The following CD63 variants were observed in gnomAD, a reference collection of about 807,000 sequenced individuals.
The protein encoded by CD63 is CD63 antigen.
In CD63, 16 loss-of-function variants were observed where a neutral mutation model predicts 29.2. The observed-to-expected ratio is 0.55, with a 90% CI of 0.37 to 0.83. The LOEUF (loss-of-function observed/expected upper bound fraction) is 0.83. Among genes scored for constraint, CD63 ranks in the 40% least tolerant of loss-of-function variants. The pLI, the probability that CD63 is intolerant of heterozygous loss-of-function variation, is 0.00. For missense variants in CD63, 251 were observed against 297.3 expected (o/e 0.84, Z 1.15); for synonymous variants, 118 against 111.7 (o/e 1.06, Z -0.36).
downstream of CD63, chr12:55,724,604 C>T (rs1272508237): frequency 2.0e-6 from 3 of 1,490,082 alleles, no homozygotes; most frequent in Non-Finnish European, 2.8e-6. Flanking sequence ...TTATTTCTGC[C>T]CCCACCCTGG....
At chr12:55,729,174 C>G (rs1592535316), upstream of CD63, 1 of 977,246 alleles carries the variant, frequency 1.0e-6, no homozygotes. Context: ...GCCCCCCGCC[C>G]GGCCAGGGCC....
At chr12:55,724,058 CCAGGCCCACA>C, downstream of CD63, 1 of 1,606,898 alleles carries the variant, frequency 6.2e-7, no homozygotes, top group Non-Finnish European at 8.5e-7. Flanking sequence ...GTGTGAGTAG[CCAGGCCCACA>C]CAGGGGCACA....
chr12:55,728,422 C>T lies in CD63; in HGVS notation c.-11-70G>A. On this transcript the variant is annotated intron_variant, in intron 1 of 7. Coordinates refer to ENST00000257857, the MANE Select transcript of CD63 (RefSeq NM_001780.6). This position sits in a 1 kb window ranked among gnomAD's most constrained non-coding sequence, Gnocchi z 4.8. ...GGACCTCGGTTTCCGGGCTCCCGGCCGGCCCTCGAGGGCTTCCCTTCACGG... is the reference window on the plus strand; with the variant it reads ...GGACCTCGGTTTCCGGGCTCCCGGCTGGCCCTCGAGGGCTTCCCTTCACGG... 1 of 1,548,548 alleles carries T rather than the reference C, an allele frequency of 6.5e-7. No homozygotes were observed. Among genetic ancestry groups the T allele is most frequent in the Non-Finnish European group, 8.7e-7 (1 of 1,147,186 alleles).
intron 2 of CD63, chr12:55,727,734 C>T (rs999858623): frequency 1.4e-5 from 15 of 1,035,706 alleles, no homozygotes; most frequent in African/African-American, 1.7e-5. Context: ...GTTCCTCTGG[C>T]CAGTTAGGCC....
chr12:55,725,342 C>G lies in CD63; in HGVS notation c.*219G>C, dbSNP rs887535515. The G allele has an allele frequency of 1.2e-5, 7 of 583,250 alleles. No individual in the cohort carries two copies. The highest frequency in any genetic ancestry group is 3.7e-5 in the African/African-American group (2 of 53,400). 36.1% of individuals were successfully genotyped at this position (583,250 alleles called of 1,614,324 possible). On this transcript the variant is annotated 3_prime_UTR_variant, in exon 8 of 8. Transcript: ENST00000257857. ...TGCCCAACCAACACCTTCGCAAAGT[C>G]CTCCTTTCCCAAACACCCCCCAAAA... is the stretch of plus-strand genomic sequence containing the variant.
chr12:55,729,009 T>C lies in CD63; in HGVS notation c.-68A>G. 1.0e-6 allele frequency: 1 copy of C among 984,996 alleles called. No homozygotes were observed. Among genetic ancestry groups the C allele is most frequent in the Non-Finnish European group, 1.2e-6 (1 of 829,890 alleles). 61.0% of individuals were successfully genotyped at this position (984,996 alleles called of 1,614,324 possible). On this transcript the variant is annotated 5_prime_UTR_variant, in exon 1 of 8. Transcript: ENST00000257857. ...CTCCCGCCGCGGCTCCGGGGCTCTC[T>C]AGCTGCGCCCCCCGGCTCCCGCCCC...
In CD63 at chr12:55,727,134, T is replaced by C. The variant is rs1396992086; in HGVS notation, c.255+17A>G. 3 of 1,608,004 alleles carry C rather than the reference T, an allele frequency of 1.9e-6. No individual in the cohort carries two copies. The highest frequency in any genetic ancestry group is 2.2e-5 in the East Asian group (1 of 44,798). On this transcript the variant is annotated intron_variant, in intron 3 of 7. Transcript: ENST00000257857. ...GGCAGTCCCAGACCGCCCATGTTGG[T>C]CCCGCCCCCAACTCACCGTGATCAT...
At chr12:55,723,590 A>G (rs1479701051), downstream of CD63, 4 of 400,632 alleles carry the variant, frequency 1.0e-5, no homozygotes, top group Non-Finnish European at 1.9e-5. Flanking sequence ...AAACTGTTAT[A>G]TAAGTACCTG....
downstream of CD63, chr12:55,724,283 A>G (rs769090164): frequency 6.2e-7 from 1 of 1,607,790 alleles, no homozygotes; most frequent in South Asian, 1.1e-5. Context: ...GGCTGGAGTG[A>G]GGAAGGGAAA....
chr12:55,727,813 G>T lies in CD63; in HGVS notation c.66+463C>A, dbSNP rs1877581953. Reference sequence around the variant, plus strand: ...CCCTAGACAAACAGTAGCCTCTCAAGCCAGGAGCCCAGGGCAGGAGCAAAT... The same window carrying T: ...CCCTAGACAAACAGTAGCCTCTCAATCCAGGAGCCCAGGGCAGGAGCAAAT... On this transcript the variant is annotated intron_variant, in intron 2 of 7. Transcript: ENST00000257857. The T allele has an allele frequency of 5.8e-6, 6 of 1,035,792 alleles. No homozygotes were observed. The African/African-American group carries it at 8.5e-5, about 15-fold the overall frequency. 64.2% of individuals were successfully genotyped at this position (1,035,792 alleles called of 1,614,324 possible).
chr12:55,724,324 C>G (rs759201745), downstream of CD63: 6 of 1,614,186 alleles, frequency 3.7e-6, no homozygotes, highest in Admixed American at 3.3e-5. Context: ...GGCTGCAGAC[C>G]TGAAAATGCA....
At chr12:55,724,388 G>A (rs1198594907), downstream of CD63, 1 of 1,614,220 alleles carries the variant, frequency 6.2e-7, no homozygotes, top group Non-Finnish European at 8.5e-7. Context: ...GTGAGCCGAT[G>A]CCTGGAGCAT....
rs1877686851 is a variant in CD63, at chr12:55,728,631, G to A, written c.-11-279C>T. ...GGGCTTGAGCCTGACGCCGACCCTCGGCCCGCCAGTCTCCGGGCGTCAAAC... is the reference window on the plus strand; with the variant it reads ...GGGCTTGAGCCTGACGCCGACCCTCAGCCCGCCAGTCTCCGGGCGTCAAAC... On this transcript the variant is annotated intron_variant, in intron 1 of 7. Transcript: ENST00000257857. The surrounding 1 kb of genome is among the most constrained non-coding windows in gnomAD (Gnocchi z 4.8). 1 of 1,303,796 alleles carries A rather than the reference G, an allele frequency of 7.7e-7. No homozygotes were observed. The highest frequency in any genetic ancestry group is 9.8e-7 in the Non-Finnish European group (1 of 1,023,158). The allele number at this position is 1,303,796 out of a possible 1,614,324, so 80.8% of individuals were successfully genotyped here. A position where few individuals can be genotyped will look rare whatever the true frequency, so the allele number is the denominator to read the frequency against.
downstream of CD63, chr12:55,724,043 A>G: frequency 6.2e-7 from 1 of 1,609,538 alleles, no homozygotes; most frequent in East Asian, 2.2e-5. Context: ...GGCCTTCCTC[A>G]CCAAGTGTGA....
chr12:55,728,620 C>T lies in CD63; in HGVS notation c.-11-268G>A, dbSNP rs1230703069. On this transcript the variant is annotated intron_variant, in intron 1 of 7. Coordinates refer to ENST00000257857, the MANE Select transcript of CD63 (RefSeq NM_001780.6). The surrounding 1 kb of genome is among the most constrained non-coding windows in gnomAD (Gnocchi z 4.8). ...GGCGCCGGCAGGGGCTTGAGCCTGA[C>T]GCCGACCCTCGGCCCGCCAGTCTCC... is the stretch of plus-strand genomic sequence containing the variant. 6.1e-6 allele frequency: 8 copies of T among 1,318,132 alleles called. No homozygotes were observed. In the East Asian group the frequency reaches 2.3e-4, roughly 38 times the overall value. The allele number at this position is 1,318,132 out of a possible 1,614,324, so 81.7% of individuals were successfully genotyped here. A position where few individuals can be genotyped will look rare whatever the true frequency, so the allele number is the denominator to read the frequency against.
In CD63 at chr12:55,725,516, T is replaced by C; in HGVS notation, c.*45A>G. ...CCGTTTAATTGAAAAACCTGGAGGA[T>C]ACTATTCCACTCCCCCAGATGAGGA... On this transcript the variant is annotated 3_prime_UTR_variant, in exon 8 of 8. Transcript: ENST00000257857. 7.0e-7 allele frequency: 1 copy of C among 1,432,394 alleles called. No individual in the cohort carries two copies. The allele number at this position is 1,432,394 out of a possible 1,614,324, so 88.7% of individuals were successfully genotyped here.
chr12:55,728,397 G>T lies in CD63; in HGVS notation c.-11-45C>A, dbSNP rs1314053601. ...GGGGGGATTAAAACTGGCCGAAGGG[G>T]GACCTCGGTTTCCGGGCTCCCGGCC... On this transcript the variant is annotated intron_variant, in intron 1 of 7. Coordinates refer to ENST00000257857, the MANE Select transcript of CD63 (RefSeq NM_001780.6). This position sits in a 1 kb window ranked among gnomAD's most constrained non-coding sequence, Gnocchi z 4.8. 12 of 1,573,786 alleles carry T rather than the reference G, an allele frequency of 7.6e-6. No individual in the cohort carries two copies. Among genetic ancestry groups the T allele is most frequent in the Middle Eastern group, 1.9e-4 (1 of 5,250 alleles).
downstream of CD63, chr12:55,724,841 G>C: frequency 2.0e-6 from 1 of 510,056 alleles, no homozygotes; most frequent in Non-Finnish European, 3.6e-6. Flanking sequence ...GCACGTCGGG[G>C]AGTGGCCATC....
At chr12:55,724,926 G>T (rs1344732244), downstream of CD63, among the ~76,000 whole-genome samples, 1 of 152,154 alleles carries the variant, frequency 6.6e-6, no homozygotes, top group African/African-American at 2.4e-5. Context: ...TACTGGGAAT[G>T]GTCTTCATAT....
Sources: allele counts gnomAD v4.1 joint callset (sites outside exome capture counted in the v4.1 genomes callset), GRCh38; gene constraint gnomAD v4.1.1; non-coding constraint Gnocchi (gnomAD v3.1); transcripts MANE v1.5; gene names NCBI Gene and HGNC (gene_info 2026-07-23, HGNC 2026-07-21).